Variants in OSBPL8 observed in about 807,000 individuals in gnomAD.
The protein encoded by OSBPL8 is oxysterol binding protein like 8, also known as oxysterol-binding protein-related protein 8.
OSBPL8 carries 59 observed loss-of-function variants against 125.5 expected under a neutral mutation model. The observed-to-expected ratio is 0.47, with a 90% CI of 0.38 to 0.58. OSBPL8 has a LOEUF of 0.58. Ranked by LOEUF, OSBPL8 falls within the 20% of genes least tolerant of loss-of-function variation. The probability of loss-of-function intolerance (pLI) is 0.00; values close to 1 mark genes in which losing one functional copy is unlikely to be tolerated. For synonymous variants in OSBPL8, 330 were observed against 338.9 expected (o/e 0.97, Z 0.29); for missense variants, 758 against 1,047.8 (o/e 0.72, Z 3.82).
chr12:76,488,544 C>T lies in OSBPL8; in HGVS notation c.-67-926G>A, dbSNP rs372636513. 5.7e-4 allele frequency among the ~76,000 whole-genome samples: 87 copies of T among 152,238 alleles called. 2 individuals carry two copies. The highest frequency in any genetic ancestry group is 2.1e-3 in the African/African-American group (86 of 41,536). ...GTGTCTCTGTGTCATAGTTTGGTAA[C>T]TCTCAAATATTTCAACCCTTTTCAT... On this transcript the variant is annotated intron_variant, in intron 1 of 23. Coordinates refer to ENST00000261183, the MANE Select transcript of OSBPL8 (RefSeq NM_020841.5).
chr12:76,485,384 C>T (rs1878018283), intron 2 of OSBPL8, among the ~76,000 whole-genome samples: 1 of 151,900 alleles, frequency 6.6e-6, no homozygotes, highest in African/African-American at 2.4e-5. Flanking sequence ...CCATCCTGAC[C>T]AACATGGAGA....
intron 12 of OSBPL8, among the ~76,000 whole-genome samples, chr12:76,388,308 T>C (rs767659451): frequency 1.3e-5 from 2 of 152,248 alleles, no homozygotes; most frequent in Admixed American, 6.5e-5. Context: ...AATGCATCTA[T>C]ACTTTTGGTA....
Position 76,459,837 on chromosome 12 carries a change from C to T in OSBPL8, c.79+22G>A, listed in dbSNP as rs570064400. On this transcript the variant is annotated intron_variant, in intron 3 of 23. Transcript: ENST00000261183. ...AATATTATCATGTCCCCAAACATGC[C>T]GTTCAAGCTTCAGCTACTTACTTGA... The T allele has an allele frequency of 2.5e-4, 410 of 1,613,168 alleles. 6 individuals carry two copies. The South Asian group carries it at 4.2e-3, about 16-fold the overall frequency.
intron 1 of OSBPL8, among the ~76,000 whole-genome samples, chr12:76,555,014 C>T (rs1434567593): frequency 6.6e-6 from 1 of 152,090 alleles, no homozygotes; most frequent in African/African-American, 2.4e-5. Flanking sequence ...GCTACTGGCA[C>T]AAAAAGCTTA....
At chr12:76,537,521 G>C (rs1238221682) in intron 1 of OSBPL8, among the ~76,000 whole-genome samples, 1 of 152,136 alleles carries the variant, frequency 6.6e-6, no homozygotes, top group Non-Finnish European at 1.5e-5. Context: ...AAAGATAATA[G>C]TTATAGTAAT....
intron 6 of OSBPL8, among the ~76,000 whole-genome samples, chr12:76,402,446 C>T (rs181043920): frequency 2.1e-4 from 32 of 152,334 alleles, no homozygotes; most frequent in Admixed American, 1.8e-3. Context: ...CATCCTCAGC[C>T]TCTGCAGTTG....
chr12:76,555,177 C>T (rs771774522), intron 1 of OSBPL8, among the ~76,000 whole-genome samples: 5 of 152,146 alleles, frequency 3.3e-5, no homozygotes, highest in African/African-American at 4.8e-5. Context: ...CAGAAAACCC[C>T]TTATTTCATC....
intron 1 of OSBPL8, among the ~76,000 whole-genome samples, chr12:76,515,664 T>C (rs1181958164): frequency 1.3e-5 from 2 of 152,044 alleles, no homozygotes; most frequent in East Asian, 1.9e-4. Flanking sequence ...ATCTCAGTGT[T>C]TATGTTCCTT....
chr12:76,500,876 C>G (rs1879829654), intron 1 of OSBPL8, among the ~76,000 whole-genome samples: 1 of 152,156 alleles, frequency 6.6e-6, no homozygotes, highest in Non-Finnish European at 1.5e-5. Flanking sequence ...TTTACTCAGT[C>G]CTCACAAAGT....
intron 1 of OSBPL8, among the ~76,000 whole-genome samples, chr12:76,551,871 C>T (rs921690585): frequency 3.9e-5 from 6 of 152,256 alleles, no homozygotes; most frequent in South Asian, 4.1e-4. Context: ...CCCAGATTTT[C>T]GGTAGCTTCA....
chr12:76,359,283 G>A (rs1007077223), intron 21 of OSBPL8, among the ~76,000 whole-genome samples: 16 of 152,156 alleles, frequency 1.1e-4, no homozygotes, highest in Non-Finnish European at 2.2e-4. Flanking sequence ...TGGGTTTCCA[G>A]TAAAACGGTT....
intron 1 of OSBPL8, among the ~76,000 whole-genome samples, chr12:76,558,935 C>A (rs1013849664): frequency 6.6e-6 from 1 of 152,226 alleles, no homozygotes; most frequent in African/African-American, 2.4e-5. Flanking sequence ...CACCGTGTCG[C>A]TTGGCTCTGC....
chr12:76,469,701 T>C (rs961820569), intron 2 of OSBPL8, among the ~76,000 whole-genome samples: 3 of 152,174 alleles, frequency 2.0e-5, no homozygotes, highest in East Asian at 1.9e-4. Flanking sequence ...TCTCTATCCT[T>C]CTTACCCTGC....
intron 4 of OSBPL8, among the ~76,000 whole-genome samples, chr12:76,419,997 A>C (rs140070406): frequency 1.1e-3 from 163 of 152,328 alleles, no homozygotes; most frequent in African/African-American, 3.6e-3. Flanking sequence ...CGCTGAATAA[A>C]TTAGCATTCT....
At chr12:76,478,684 C>T (rs1460866646) in intron 2 of OSBPL8, among the ~76,000 whole-genome samples, 1 of 151,614 alleles carries the variant, frequency 6.6e-6, no homozygotes, top group African/African-American at 2.4e-5. Flanking sequence ...AGTACTCACA[C>T]AATAGGTAAT....
intron 3 of OSBPL8, among the ~76,000 whole-genome samples, chr12:76,451,507 A>G (rs1245682818): frequency 1.3e-5 from 2 of 152,212 alleles, no homozygotes; most frequent in African/African-American, 2.4e-5. Context: ...TGTTTTAGAG[A>G]GGAGGAAACT....
At chr12:76,371,376 G>A in intron 19 of OSBPL8, 72 bp downstream of exon 19, 1 of 1,421,084 alleles carries the variant, frequency 7.0e-7, no homozygotes. Context: ...GTGACAAAAT[G>A]ACCATATCAT....
intron 23 of OSBPL8, 141 bp from the exon 24 acceptor site, chr12:76,356,162 T>TGGGGGGGGGTTTGGAGGGGGG: frequency 7.6e-6 from 1 of 131,834 alleles, no homozygotes; most frequent in Admixed American, 8.8e-5. Flanking sequence ...TATGTAGGGG[T>TGGGGGGGGGTTTGGAGGGGGG]GGGGGGGGGC....
At chr12:76,481,575 A>G (rs192352598) in intron 2 of OSBPL8, among the ~76,000 whole-genome samples, 54 of 152,258 alleles carry the variant, frequency 3.5e-4, no homozygotes, top group African/African-American at 1.2e-3. Context: ...GGCTGCAGTG[A>G]GCTAGGATCA....
Sources: gnomAD v4.1 joint callset for allele counts (sites outside exome capture counted in the v4.1 genomes callset) on GRCh38, gnomAD v4.1.1 for gene constraint, MANE v1.5 for transcripts, NCBI Gene and HGNC (gene_info 2026-07-23, HGNC 2026-07-21) for gene names.